The following CADPS variants were observed in gnomAD, a reference collection of about 807,000 sequenced individuals.
CADPS encodes the protein calcium dependent secretion activator.
CADPS carries 57 observed loss-of-function variants against 167.3 expected under a neutral mutation model. The observed-to-expected ratio is 0.34, with a 90% CI of 0.28 to 0.42. The LOEUF (loss-of-function observed/expected upper bound fraction) is 0.42. Among genes scored for constraint, CADPS ranks in the 20% least tolerant of loss-of-function variants. The pLI, the probability that CADPS is intolerant of heterozygous loss-of-function variation, is 1.00. For missense variants in CADPS, 1,414 were observed against 1,738.1 expected, an observed-to-expected ratio of 0.81 and a Z score of 3.32; for synonymous variants, 676 against 635.3, an observed-to-expected ratio of 1.06 and a Z score of -0.96.
intron 6 of CADPS, among the ~76,000 whole-genome samples, chr3:62,642,386 T>C (rs1252505791): frequency 6.6e-6 from 1 of 152,046 alleles, no homozygotes; most frequent in Non-Finnish European, 1.5e-5. Context: ...TAGGACAAAT[T>C]AAAGATAATC....
chr3:62,655,262 C>A (rs779961644), intron 4 of CADPS, among the ~76,000 whole-genome samples: 23 of 152,184 alleles, frequency 1.5e-4, no homozygotes, highest in Admixed American at 2.0e-4. Flanking sequence ...AGACCCATTG[C>A]AAACACATTT....
At chr3:62,647,396 G>C (rs2068822939) in intron 5 of CADPS, among the ~76,000 whole-genome samples, 1 of 152,168 alleles carries the variant, frequency 6.6e-6, no homozygotes, top group African/African-American at 2.4e-5. Context: ...GATCTCCAGA[G>C]TTTCTAATCA....
intron 11 of CADPS, among the ~76,000 whole-genome samples, chr3:62,541,731 T>C (rs1292838854): frequency 6.6e-6 from 1 of 152,170 alleles, no homozygotes; most frequent in African/African-American, 2.4e-5. Context: ...TTGACTACTC[T>C]GTCATCTATG....
intron 3 of CADPS, among the ~76,000 whole-genome samples, chr3:62,704,020 C>T (rs1475684756): frequency 6.6e-6 from 1 of 152,078 alleles, no homozygotes; most frequent in African/African-American, 2.4e-5. Context: ...TCATTCCTTC[C>T]TACCACCAGG....
At chr3:62,423,886 C>T (rs1182459469) in intron 28 of CADPS, among the ~76,000 whole-genome samples, 1 of 152,172 alleles carries the variant, frequency 6.6e-6, no homozygotes, top group Admixed American at 6.5e-5. Context: ...CTCTAATGTA[C>T]AGTCAGGAAA....
At chr3:62,687,575 C>T (rs2151189812) in intron 3 of CADPS, among the ~76,000 whole-genome samples, 1 of 151,814 alleles carries the variant, frequency 6.6e-6, no homozygotes, top group African/African-American at 2.4e-5. Flanking sequence ...GGACTTAGGG[C>T]CAGGATGAAT....
chr3:62,529,971 C>T (rs879380260), intron 13 of CADPS, among the ~76,000 whole-genome samples: 2 of 151,990 alleles, frequency 1.3e-5, no homozygotes, highest in Non-Finnish European at 2.9e-5. Flanking sequence ...ATTAGTAAAC[C>T]TAATTTAAAA....
At chr3:62,457,853 C>T (rs899436108) in intron 26 of CADPS, among the ~76,000 whole-genome samples, 14 of 152,178 alleles carry the variant, frequency 9.2e-5, no homozygotes, top group Non-Finnish European at 1.5e-4. Flanking sequence ...CCAAACACCG[C>T]GTTTTCTCAT....
chr3:62,493,788 A>G (rs2064153100), intron 18 of CADPS, 123 bp from the exon 19 acceptor site: 3 of 798,350 alleles, frequency 3.8e-6, no homozygotes, highest in Non-Finnish European at 6.2e-6. Context: ...ATTCAGATTA[A>G]TGGGAGAGGG....
intron 8 of CADPS, 53 bp downstream of exon 8, chr3:62,585,132 G>A: frequency 1.3e-6 from 2 of 1,540,260 alleles, no homozygotes; most frequent in Non-Finnish European, 1.8e-6. Flanking sequence ...TTTTCATTTT[G>A]AGAAATGAAC....
intron 3 of CADPS, among the ~76,000 whole-genome samples, chr3:62,731,832 T>TAAAAAAAAAAAAAA (rs2077929297): frequency 1.7e-5 from 1 of 60,158 alleles, no homozygotes; most frequent in Non-Finnish European, 3.2e-5. Context: ...AAAAAAAAAG[T>TAAAAAAAAAAAAAA]AAAGAAGGAA....
chr3:62,796,558 A>G (rs537823043), intron 1 of CADPS: 1 of 152,344 alleles, frequency 6.6e-6, no homozygotes, highest in East Asian at 1.9e-4. Flanking sequence ...ATGATGTCTT[A>G]AAAAGACATT....
chr3:62,678,938 A>G (rs547975569), intron 3 of CADPS, among the ~76,000 whole-genome samples: 3 of 152,126 alleles, frequency 2.0e-5, no homozygotes, highest in African/African-American at 7.2e-5. Context: ...CAGCGAAAGG[A>G]GAGGCGAGGG....
At chr3:62,841,756 G>A (rs1446511044) in intron 1 of CADPS, among the ~76,000 whole-genome samples, 1 of 152,148 alleles carries the variant, frequency 6.6e-6, no homozygotes, top group Non-Finnish European at 1.5e-5. Flanking sequence ...ATGGCCACAT[G>A]ACATCCCCTT....
At chr3:62,461,326 A>C (rs568516186) in intron 26 of CADPS, among the ~76,000 whole-genome samples, 1 of 152,316 alleles carries the variant, frequency 6.6e-6, no homozygotes, top group East Asian at 1.9e-4. Flanking sequence ...AAGGAGATTA[A>C]AAGCCAAGAT....
rs570710892 is a variant in CADPS, at chr3:62,808,363, A to T, written c.442-42379T>A. 3.3e-5 allele frequency among the ~76,000 whole-genome samples: 5 copies of T among 152,236 alleles called. No homozygotes were observed. In the South Asian group the frequency reaches 1.0e-3, roughly 32 times the overall value. On this transcript the variant is annotated intron_variant, in intron 1 of 29. Coordinates refer to ENST00000383710, the MANE Select transcript of CADPS (RefSeq NM_003716.4). ...CAGAGAATGGGAGAAAAAAAGTAAA[A>T]GTGGACAAAGAGAGAGAGCCTGAAG...
chr3:62,602,941 G>A lies in CADPS; in HGVS notation c.1326-10193C>T, dbSNP rs183571004. On this transcript the variant is annotated intron_variant, in intron 6 of 29. Transcript: ENST00000383710. This position sits in a 1 kb window ranked among gnomAD's most constrained non-coding sequence, Gnocchi z 4.4. ...TCACCGGATCTTTCAAATCCCCTACGTATATCACAAATCTGATTTTTGCTA... is the reference window on the plus strand; with the variant it reads ...TCACCGGATCTTTCAAATCCCCTACATATATCACAAATCTGATTTTTGCTA... 1.3e-5 allele frequency among the ~76,000 whole-genome samples: 2 copies of A among 152,118 alleles called. No individual in the cohort carries two copies. The highest frequency in any genetic ancestry group is 2.9e-5 in the Non-Finnish European group (2 of 68,012).
At chr3:62,825,447 C>T (rs780415092) in intron 1 of CADPS, among the ~76,000 whole-genome samples, 9 of 152,112 alleles carry the variant, frequency 5.9e-5, no homozygotes, top group Non-Finnish European at 8.8e-5. Flanking sequence ...AACTCTGAAA[C>T]TCCGGGCGTG....
chr3:62,843,683 C>G (rs1019982725), intron 1 of CADPS, among the ~76,000 whole-genome samples: 3 of 152,174 alleles, frequency 2.0e-5, no homozygotes, highest in Admixed American at 2.0e-4. Context: ...GTCAGTCCTG[C>G]TTTCTAGCCA....
Sources: allele counts gnomAD v4.1 joint callset (sites outside exome capture counted in the v4.1 genomes callset), GRCh38; gene constraint gnomAD v4.1.1; non-coding constraint Gnocchi (gnomAD v3.1); transcripts MANE v1.5; gene names NCBI Gene and HGNC (gene_info 2026-07-23, HGNC 2026-07-21).